The following TXNRD2 variants were observed in gnomAD, a reference collection of about 807,000 sequenced individuals.
TXNRD2 encodes thioredoxin reductase 2, also known as thioredoxin reductase 2, mitochondrial.
A neutral mutation model predicts 70.8 loss-of-function variants in TXNRD2; 67 were observed. That is an observed-to-expected ratio of 0.95 (90% CI 0.78 to 1.16). The LOEUF is 1.16. Among genes scored for constraint, TXNRD2 ranks in the 50% most tolerant of loss-of-function variants. The pLI is 0.00. For synonymous variants in TXNRD2, 301 were observed against 295.8 expected, an observed-to-expected ratio of 1.02 and a Z score of -0.18; for missense variants, 644 against 719.9, an observed-to-expected ratio of 0.89 and a Z score of 1.21.
chr22:19,915,383 C>T, intron 6 of TXNRD2, 107 bp from the exon 7 acceptor site: 1 of 1,150,930 alleles, frequency 8.7e-7, no homozygotes, highest in Non-Finnish European at 1.3e-6. Context: ...CGGCCCCTGC[C>T]CTGTAGCGTG....
At chr22:19,911,141 G>A in intron 8 of TXNRD2, 2 of 638,428 alleles carry the variant, frequency 3.1e-6, no homozygotes, top group East Asian at 3.0e-5. Flanking sequence ...ATATTGCCCA[G>A]GCTGATGCTG....
rs139538299 is a variant in TXNRD2 at position 19,880,818 on chromosome 22, G to T, written c.1087-101C>A. 41 of 788,410 alleles carry T rather than the reference G, an allele frequency of 5.2e-5. 2 individuals are homozygous for T. In the Middle Eastern group the frequency reaches 1.7e-3, roughly 33 times the overall value. 48.8% of individuals were successfully genotyped at this position (788,410 alleles called of 1,614,324 possible). A position where few individuals can be genotyped will look rare whatever the true frequency, so the allele number is the denominator to read the frequency against. On this transcript the variant is annotated intron_variant, in intron 12 of 17. Coordinates refer to ENST00000400521, the MANE Select transcript of TXNRD2 (RefSeq NM_006440.5). The stretch of plus-strand genomic sequence containing the variant: ...CCCTCCGAGTGGGCATCTCCCTTTA[G>T]AAAATCCCCAACACTGGCACCGAGC...
rs1939599914 is a variant in TXNRD2 at position 19,898,129 on chromosome 22, A to T, written c.684T>A (p.Tyr228Ter). ...GGAAGCCAGCACACTCCAGGGCCAC[A>T]TCTGTGGGGTGCCAGCTAAGGAGCA... ...PGKTLVVGAS[Y>*]VALECAGFLT... Residue 228 changes from tyrosine to a stop codon, truncating the protein, a stop_gained and splice_region_variant, in exon 10 of 18, where the codon TAT becomes TAA. Coordinates refer to ENST00000400521, the MANE Select transcript of TXNRD2 (RefSeq NM_006440.5). LOFTEE classifies it high-confidence loss of function. 6.4e-7 allele frequency: 1 copy of T among 1,559,860 alleles called. No individual in the cohort carries two copies. The highest frequency in any genetic ancestry group is 8.7e-7 in the Non-Finnish European group (1 of 1,152,048).
intron 8 of TXNRD2, among the ~76,000 whole-genome samples, chr22:19,902,625 C>T (rs553543931): frequency 6.6e-6 from 1 of 152,352 alleles, no homozygotes; most frequent in African/African-American, 2.4e-5. Flanking sequence ...CCCACCCAAC[C>T]CCTCAGGGGC....
intron 12 of TXNRD2, 98 bp downstream of exon 12, chr22:19,883,227 C>T (rs569108843): frequency 1.7e-5 from 25 of 1,461,782 alleles, no homozygotes; most frequent in East Asian, 2.3e-5. Flanking sequence ...GAGAAAGTGT[C>T]GTTTCTCTCC....
chr22:19,932,987 A>G (rs528644787), intron 1 of TXNRD2, among the ~76,000 whole-genome samples: 1 of 152,342 alleles, frequency 6.6e-6, no homozygotes, highest in Admixed American at 6.5e-5. Context: ...CAGGTCTAGA[A>G]CATGCACTCC....
At chr22:19,883,570 G>A in intron 11 of TXNRD2, 109 bp from the exon 12 acceptor site, 2 of 1,503,472 alleles carry the variant, frequency 1.3e-6, no homozygotes, top group Non-Finnish European at 1.8e-6. Flanking sequence ...GGGTGCAGTG[G>A]CTCCTGCCTG....
At chr22:19,877,371 A>T in intron 16 of TXNRD2, 137 bp from the exon 17 acceptor site, 1 of 754,932 alleles carries the variant, frequency 1.3e-6, no homozygotes. Context: ...AGCAGCCAGG[A>T]CCCCTGCCCA....
At chr22:19,940,078 C>G (rs1392945802) in intron 1 of TXNRD2, among the ~76,000 whole-genome samples, 3 of 151,938 alleles carry the variant, frequency 2.0e-5, no homozygotes, top group Non-Finnish European at 2.9e-5. Flanking sequence ...CCCGTCTCTA[C>G]TAAAAATACA....
Position 19,880,238 on chromosome 22 carries a change from C to G in TXNRD2, c.1216G>C (p.Gly406Arg). The change falls in exon 14 of 18, where the codon GGC becomes CGC. Residue 406 changes from glycine (G) to arginine (R), a missense_variant. Physicochemically the swap from Gly to Arg is moderately radical, Grantham distance 125. Around this residue, in one of 3 missense-constraint regions of TXNRD2, gnomAD observed 566 missense variants for 645.0 expected, o/e 0.88. Transcript: ENST00000400521. ...PTTVFTPLEY[G>R]CVGLSEEEAV... ...TCCTCCTCGGACAGCCCCACACAGC[C>G]ATACTCCAGCGGGGTGAAGACGGTC... 1 of 1,613,842 alleles carries G rather than the reference C, an allele frequency of 6.2e-7. No homozygotes were observed. Among genetic ancestry groups the G allele is most frequent in the Non-Finnish European group, 8.5e-7 (1 of 1,180,026 alleles).
chr22:19,932,309 G>A (rs751222220), intron 1 of TXNRD2: 2 of 1,612,238 alleles, frequency 1.2e-6, no homozygotes, highest in East Asian at 4.5e-5. Context: ...CCTGGGCTCA[G>A]GTTTCATCCC....
intron 8 of TXNRD2, among the ~76,000 whole-genome samples, chr22:19,901,775 A>G (rs1939788561): frequency 6.6e-6 from 1 of 152,196 alleles, no homozygotes; most frequent in African/African-American, 2.4e-5. Context: ...ACAGACAGGA[A>G]CGTGGTGCAG....
Position 19,898,099 on chromosome 22 carries a change from G to A in TXNRD2, c.714C>T (p.Thr238=), listed in dbSNP as rs202225486. Residue 238 remains threonine (T), a synonymous_variant, in exon 10 of 18, where the codon ACC becomes ACT. Transcript: ENST00000400521. ...TGATGGTGGTGTCCAGCCCAATCCC[G>A]GTGAGGAAGCCAGCACACTCCAGGG... ...YVALECAGFL[T]GIGLDTTIMM... 7.5e-5 allele frequency: 117 copies of A among 1,567,122 alleles called. 1 individual carries two copies. Among genetic ancestry groups the A allele is most frequent in the East Asian group, 2.4e-4 (10 of 41,902 alleles).
At position 19,890,205 on chromosome 22, in the gene TXNRD2, G is replaced by A. The variant is rs1053842165; in HGVS notation, c.949+5202C>T. On this transcript the variant is annotated intron_variant, in intron 11 of 17. Transcript: ENST00000400521. ...TCAGGAGCAGCAGCGCACGCCCGGG[G>A]CCACGTGGTGTGGAGGGGAAGGCCG... Among the ~76,000 whole-genome samples the A allele has an allele frequency of 4.6e-5, 7 of 152,300 alleles. No individual in the cohort carries two copies. In the South Asian group the frequency reaches 1.5e-3, roughly 32 times the overall value.
intron 11 of TXNRD2, chr22:19,891,808 T>A (rs1001429229): frequency 6.6e-6 from 1 of 152,276 alleles, no homozygotes. Context: ...GGGGGCCCCC[T>A]GCACAGCAAT....
intron 5 of TXNRD2, among the ~76,000 whole-genome samples, chr22:19,917,311 C>A (rs998616578): frequency 3.3e-5 from 5 of 152,154 alleles, no homozygotes; most frequent in African/African-American, 1.2e-4. Context: ...CAGAGAAACA[C>A]AGAAATGCCA....
chr22:19,924,380 G>C (rs942940852), intron 2 of TXNRD2, among the ~76,000 whole-genome samples: 1 of 152,060 alleles, frequency 6.6e-6, no homozygotes, highest in Non-Finnish European at 1.5e-5. Flanking sequence ...CGCACCCTAA[G>C]GCCCAGCCTC....
At chr22:19,933,397 G>A in intron 1 of TXNRD2, 1 of 1,256,460 alleles carries the variant, frequency 8.0e-7, no homozygotes, top group South Asian at 1.2e-5. Context: ...TCCTCCAGCT[G>A]CCTGGTAGCC....
At chr22:19,899,192 G>T in intron 8 of TXNRD2, 124 bp from the exon 9 acceptor site, 1 of 1,258,626 alleles carries the variant, frequency 7.9e-7, no homozygotes, top group Non-Finnish European at 1.1e-6. Flanking sequence ...CAAGGTTACT[G>T]TTCAAACAGC....
Sources: gnomAD v4.1 joint callset for allele counts (sites outside exome capture counted in the v4.1 genomes callset) on GRCh38, gnomAD v4.1.1 for gene constraint, gnomAD v4.1.1 regional missense constraint, MANE v1.5 for transcripts, NCBI Gene and HGNC (gene_info 2026-07-23, HGNC 2026-07-21) for gene names.